Variants in RDH13 observed in about 807,000 individuals in gnomAD.
RDH13 encodes retinol dehydrogenase 13 (all-trans and 9-cis).
RDH13 carries 35 observed loss-of-function variants against 28.3 expected under a neutral mutation model. The ratio of observed to expected loss-of-function variants is 1.24; its 90% CI spans 0.95 to 1.64. The LOEUF (loss-of-function observed/expected upper bound fraction) is 1.64. RDH13 is among the 40% of genes most tolerant of loss of function. RDH13 has a pLI of 0.00. For synonymous variants in RDH13, 229 were observed against 198.5 expected (o/e 1.15, Z -1.29); for missense variants, 514 against 446.3 (o/e 1.15, Z -1.37).
upstream of RDH13, chr19:55,067,069 T>C (rs1654465): frequency 0.73 from 110,576 of 152,090 alleles, 40,393 homozygotes; most frequent in African/African-American, 0.75. Context: ...CCATAGTAAC[T>C]GGAATGATTG....
chr19:55,067,272 A>C (rs2075978696), upstream of RDH13: 1 of 151,906 alleles, frequency 6.6e-6, no homozygotes, highest in Non-Finnish European at 1.5e-5. Flanking sequence ...CAAACAGGTG[A>C]CCTCCCAGTT....
upstream of RDH13, chr19:55,063,437 C>A: frequency 4.5e-6 from 1 of 222,240 alleles, no homozygotes. Context: ...GTGTGTCTTT[C>A]AACTATATCA....
At position 55,048,325 on chromosome 19, in the gene RDH13, G is replaced by A. The variant is rs771088883; in HGVS notation, c.658+4C>T. The A allele has an allele frequency of 4.9e-5, 79 of 1,613,922 alleles. No individual in the cohort carries two copies. Among genetic ancestry groups the A allele is most frequent in the Non-Finnish European group, 6.1e-5 (72 of 1,180,050 alleles). On this transcript the variant is annotated splice_donor_region_variant and intron_variant, in intron 5 of 6. Coordinates refer to ENST00000415061, the MANE Select transcript of RDH13 (RefSeq NM_001145971.2). ...GAGGGAGGCCGAGCCTAGCGCCCCC[G>A]TACCTTGCAGCCGCCGGCTCAGCTC... is the stretch of plus-strand genomic sequence containing the variant.
At position 55,059,144 on chromosome 19, in the gene RDH13, G is replaced by A; in HGVS notation, c.184+13C>T. 2.0e-6 allele frequency: 3 copies of A among 1,506,366 alleles called. No individual in the cohort carries two copies. The highest frequency in any genetic ancestry group is 2.7e-6 in the Non-Finnish European group (3 of 1,096,758). 93.3% of individuals were successfully genotyped at this position (1,506,366 alleles called of 1,614,324 possible). A position where few individuals can be genotyped will look rare whatever the true frequency, so the allele number is the denominator to read the frequency against. On this transcript the variant is annotated intron_variant, in intron 2 of 6. Coordinates refer to ENST00000415061, the MANE Select transcript of RDH13 (RefSeq NM_001145971.2). The stretch of plus-strand genomic sequence containing the variant: ...AGATATCTCTCTGAGAGCCAAAGCA[G>A]GGGAGATTTTACCTCTCCTGGCCAG...
rs551461127 is a variant in RDH13 at position 55,044,911 on chromosome 19, G to T, written c.*163C>A. 3.3e-6 allele frequency: 2 copies of T among 599,948 alleles called. No homozygotes were observed. The highest frequency in any genetic ancestry group is 5.9e-6 in the Non-Finnish European group (2 of 339,856). The allele number at this position is 599,948 out of a possible 1,614,324, so 37.2% of individuals were successfully genotyped here. A position where few individuals can be genotyped will look rare whatever the true frequency, so the allele number is the denominator to read the frequency against. ...AGCCCAGGGCAGTGCTCACCTGCAGGCCAGTCCACTGCGGCCAGCACCGCC... is the reference window on the plus strand; with the variant it reads ...AGCCCAGGGCAGTGCTCACCTGCAGTCCAGTCCACTGCGGCCAGCACCGCC... On this transcript the variant is annotated 3_prime_UTR_variant, in exon 7 of 7. Coordinates refer to ENST00000415061, the MANE Select transcript of RDH13 (RefSeq NM_001145971.2).
At chr19:55,057,699 G>C (rs1371345733) in intron 2 of RDH13, among the ~76,000 whole-genome samples, 2 of 151,946 alleles carry the variant, frequency 1.3e-5, no homozygotes, top group Non-Finnish European at 2.9e-5. Context: ...GCCTCCCAAA[G>C]TACTGGGATT....
exon 3 of RDH13, chr19:55,039,309 A>T (rs976773053): frequency 2.0e-5 from 3 of 152,242 alleles, no homozygotes; most frequent in Non-Finnish European, 4.4e-5. Context: ...AGGCGGGCGG[A>T]TCACCTGAGG....
chr19:55,060,916 A>T (rs1654452), intron 1 of RDH13, among the ~76,000 whole-genome samples: 2 of 152,140 alleles, frequency 1.3e-5, no homozygotes, highest in Middle Eastern at 3.4e-3. Context: ...TTAAAACCAC[A>T]TAAGTGCATC....
intron 3 of RDH13, among the ~76,000 whole-genome samples, chr19:55,051,408 GTGTTT>G (rs1179465608): frequency 2.6e-5 from 4 of 151,412 alleles, no homozygotes; most frequent in South Asian, 2.1e-4. Flanking sequence ...CCAGCTTCTG[GTGTTT>G]TGTTTTGGTT....
Position 55,059,295 on chromosome 19 carries a change from C to A in RDH13, c.66-20G>T, listed in dbSNP as rs537923298. The A allele has an allele frequency of 2.6e-6, 4 of 1,527,428 alleles. No individual in the cohort carries two copies. Among genetic ancestry groups the A allele is most frequent in the East Asian group, 2.4e-5 (1 of 41,826 alleles). 94.6% of individuals were successfully genotyped at this position (1,527,428 alleles called of 1,614,324 possible). On this transcript the variant is annotated intron_variant, in intron 1 of 6. Coordinates refer to ENST00000415061, the MANE Select transcript of RDH13 (RefSeq NM_001145971.2). ...TAGTCCCTGAGGGTGAGAAGCGGCACGGTCAGTCCTGTGGGCCCACTCTCA... is the reference window on the plus strand; with the variant it reads ...TAGTCCCTGAGGGTGAGAAGCGGCAAGGTCAGTCCTGTGGGCCCACTCTCA...
At chr19:55,047,630 CT>C in intron 5 of RDH13, 142 bp from the exon 6 acceptor site, 2 of 1,386,764 alleles carry the variant, frequency 1.4e-6, no homozygotes, top group Non-Finnish European at 9.5e-7. Flanking sequence ...GCTCTGGAAT[CT>C]TAGTGAAGTG....
At chr19:55,063,323 T>C (rs968858538), upstream of RDH13, 20 of 371,630 alleles carry the variant, frequency 5.4e-5, no homozygotes, top group East Asian at 6.7e-4. Context: ...GCCTATGGTT[T>C]GTTCGAATGA....
downstream of RDH13, chr19:55,043,990 CACTGCAATCT>C (rs1179000750): frequency 2.0e-5 from 3 of 151,178 alleles, no homozygotes; most frequent in Non-Finnish European, 4.4e-5. Context: ...GATCTCGGCT[CACTGCAATCT>C]CCGCCTCCCA....
At position 55,044,526 on chromosome 19, in the gene RDH13, C is replaced by G. The variant is rs1365870520; in HGVS notation, c.*548G>C. On this transcript the variant is annotated 3_prime_UTR_variant, in exon 7 of 7. Coordinates refer to ENST00000415061, the MANE Select transcript of RDH13 (RefSeq NM_001145971.2). ...TGGCTGGGCTCTGGCACAGGAAGCC[C>G]TCAGCAAACACCCCCGGCACAGCCA... 6.6e-6 allele frequency: 1 copy of G among 152,540 alleles called. No individual in the cohort carries two copies. The highest frequency in any genetic ancestry group is 1.5e-5 in the Non-Finnish European group (1 of 68,336). The allele number at this position is 152,540 out of a possible 1,614,324, so 9.4% of individuals were successfully genotyped here. A position where few individuals can be genotyped will look rare whatever the true frequency, so the allele number is the denominator to read the frequency against.
At chr19:55,062,634 C>G (rs2075842093) in intron 1 of RDH13, among the ~76,000 whole-genome samples, 1 of 151,748 alleles carries the variant, frequency 6.6e-6, no homozygotes, top group Non-Finnish European at 1.5e-5. Context: ...GAGCCAAGAT[C>G]GCGCCACTGC....
exon 3 of RDH13, chr19:55,039,146 A>G (rs1156516237): frequency 1.3e-5 from 2 of 152,244 alleles, no homozygotes; most frequent in Admixed American, 6.5e-5. Flanking sequence ...ACAATAGCCA[A>G]AAGGTGAAAC....
intron 5 of RDH13, 53 bp downstream of exon 5, chr19:55,048,276 C>A (rs578096263): frequency 1.9e-6 from 3 of 1,607,618 alleles, no homozygotes; most frequent in Middle Eastern, 1.7e-4. Context: ...ATGGAAAGGC[C>A]GCTCTAGGCT....
chr19:55,057,546 C>T (rs1373025876), intron 2 of RDH13, among the ~76,000 whole-genome samples: 1 of 151,788 alleles, frequency 6.6e-6, no homozygotes, highest in East Asian at 1.9e-4. Context: ...AATTCTCCTG[C>T]CTCAGCCTCC....
downstream of RDH13, chr19:55,040,537 TC>T: frequency 6.6e-6 from 1 of 152,342 alleles, no homozygotes. Flanking sequence ...GCCATCATCT[TC>T]CCTACATCTC....
Sources: gnomAD v4.1 joint callset for allele counts (sites outside exome capture counted in the v4.1 genomes callset) on GRCh38, gnomAD v4.1.1 for gene constraint, MANE v1.5 for transcripts, NCBI Gene and HGNC (gene_info 2026-07-23, HGNC 2026-07-21) for gene names.